PDZD2: variants seen among roughly 807,000 people sequenced by gnomAD.
The protein encoded by PDZD2 is PDZ domain-containing protein 2.
In PDZD2, 90 loss-of-function variants were observed where a neutral mutation model predicts 220.7. That is an observed-to-expected ratio of 0.41 (90% confidence interval 0.34 to 0.49). PDZD2 has a LOEUF of 0.49. PDZD2 is among the 20% of genes least tolerant of loss of function. The probability of loss-of-function intolerance (pLI) is 0.28; values close to 1 mark genes in which losing one functional copy is unlikely to be tolerated. For missense variants in PDZD2, 3,174 were observed against 3,608.5 expected, an observed-to-expected ratio of 0.88 and a Z score of 3.08; for synonymous variants, 1,375 against 1,450.5, an observed-to-expected ratio of 0.95 and a Z score of 1.18.
chr5:31,719,459 G>A (rs1325424457), intron 1 of PDZD2, among the ~76,000 whole-genome samples: 1 of 152,188 alleles, frequency 6.6e-6, no homozygotes, highest in Admixed American at 6.5e-5. Context: ...ACAGTAGCAG[G>A]TGCCAGAGTT....
At chr5:31,685,093 A>G (rs1205015199) in intron 1 of PDZD2, among the ~76,000 whole-genome samples, 6 of 152,090 alleles carry the variant, frequency 3.9e-5, no homozygotes, top group African/African-American at 1.2e-4. Context: ...CTCCATTACT[A>G]AATTCCTTTC....
chr5:32,003,384 C>CACCT (rs149402324), intron 5 of PDZD2, among the ~76,000 whole-genome samples: 1 of 81,254 alleles, frequency 1.2e-5, no homozygotes, highest in Non-Finnish European at 2.4e-5. Flanking sequence ...CACACACACA[C>CACCT]CCACACACAC....
At chr5:31,806,382 C>T (rs961845585) in intron 2 of PDZD2, among the ~76,000 whole-genome samples, 1 of 152,172 alleles carries the variant, frequency 6.6e-6, no homozygotes, top group Non-Finnish European at 1.5e-5. Flanking sequence ...CGCTTTAGAG[C>T]CTAAACCTGT....
intron 1 of PDZD2, among the ~76,000 whole-genome samples, chr5:31,778,956 A>G (rs931062087): frequency 1.3e-5 from 2 of 152,210 alleles, no homozygotes; most frequent in Non-Finnish European, 2.9e-5. Context: ...AAATGAAAAC[A>G]AAACTACTTT....
chr5:31,768,670 G>T (rs987410681), intron 1 of PDZD2, among the ~76,000 whole-genome samples: 1 of 150,284 alleles, frequency 6.7e-6, no homozygotes, highest in African/African-American at 2.4e-5. Context: ...TGAGACACAA[G>T]ATCAGGACTT....
At chr5:31,754,147 A>G (rs1250237647) in intron 1 of PDZD2, 6 of 152,220 alleles carry the variant, frequency 3.9e-5, no homozygotes, top group Non-Finnish European at 5.9e-5. Context: ...GTTTAATAAT[A>G]ATGATGTTGG....
rs1743936362 is a variant in PDZD2, at chr5:32,098,397, C to T, written c.7981C>T (p.Gln2661Ter). ...GGTGTTTTCTCAGGGGGCGGCTTCTCAGGAAGGGACTATGAACCGAGGGGA... is the reference window on the plus strand; with the variant it reads ...GGTGTTTTCTCAGGGGGCGGCTTCTTAGGAAGGGACTATGAACCGAGGGGA... ...HRVFSQGAAS[Q>*]EGTMNRGDFL... is the part of the protein sequence containing the mutation. The change falls in exon 23 of 25, where the codon CAG (glutamine) becomes TAG (stop). Residue 2661 changes from glutamine (Q) to a stop codon, truncating the protein, a stop_gained. Coordinates refer to ENST00000438447, the MANE Select transcript of PDZD2 (RefSeq NM_178140.4). LOFTEE classifies it high-confidence loss of function. The surrounding 1 kb of genome is among the most constrained non-coding windows in gnomAD (Gnocchi z 4.1). 6.2e-7 allele frequency: 1 copy of T among 1,614,048 alleles called. No individual in the cohort carries two copies. Among genetic ancestry groups the T allele is most frequent in the Non-Finnish European group, 8.5e-7 (1 of 1,180,040 alleles).
At chr5:31,898,648 A>G (rs1279698232) in intron 2 of PDZD2, among the ~76,000 whole-genome samples, 2 of 152,214 alleles carry the variant, frequency 1.3e-5, no homozygotes, top group Non-Finnish European at 2.9e-5. Flanking sequence ...TGATGCTTGC[A>G]CATAGTGTGT....
intron 2 of PDZD2, among the ~76,000 whole-genome samples, chr5:31,865,029 A>G (rs1357348259): frequency 6.6e-6 from 1 of 151,248 alleles, no homozygotes; most frequent in African/African-American, 2.4e-5. Context: ...TTGTATTTTT[A>G]GTAGAGACGG....
intron 1 of PDZD2, among the ~76,000 whole-genome samples, chr5:31,683,471 A>C (rs1256584611): frequency 6.6e-6 from 1 of 152,204 alleles, no homozygotes; most frequent in Non-Finnish European, 1.5e-5. Context: ...AAATATGTAC[A>C]TGGTTACAAA....
chr5:31,779,916 C>T (rs1032656017), intron 1 of PDZD2, among the ~76,000 whole-genome samples: 3 of 152,044 alleles, frequency 2.0e-5, no homozygotes, highest in Non-Finnish European at 4.4e-5. Flanking sequence ...TCTTGCTGTG[C>T]TGGAATAAGC....
At chr5:31,800,962 C>A (rs1429641330) in intron 2 of PDZD2, among the ~76,000 whole-genome samples, 1 of 152,184 alleles carries the variant, frequency 6.6e-6, no homozygotes, top group African/African-American at 2.4e-5. Flanking sequence ...TAATCTTCAT[C>A]CTCCCTCCAG....
chr5:32,087,422 G>A lies in PDZD2; in HGVS notation c.3974G>A (p.Gly1325Glu). The change falls in exon 20 of 25, where the codon GGA (glycine) becomes GAA (glutamate). Residue 1325 changes from glycine (G) to glutamate (E), a missense_variant. Coordinates refer to ENST00000438447, the MANE Select transcript of PDZD2 (RefSeq NM_178140.4). The surrounding 1 kb of genome is among the most constrained non-coding windows in gnomAD (Gnocchi z 4.0). ...HNTRRVAALRGAGPGAEGMTP... is the reference protein window; with the variant it reads ...HNTRRVAALREAGPGAEGMTP... ...ACCAGGAGGGTGGCTGCCCTCAGGG[G>A]AGCGGGACCTGGAGCAGAGGGAATG... The A allele has an allele frequency of 1.2e-6, 2 of 1,614,134 alleles. No individual in the cohort carries two copies. The highest frequency in any genetic ancestry group is 1.7e-6 in the Non-Finnish European group (2 of 1,180,000).
intron 1 of PDZD2, among the ~76,000 whole-genome samples, chr5:31,673,647 G>T (rs1325353764): frequency 2.6e-5 from 4 of 152,120 alleles, no homozygotes; most frequent in Admixed American, 2.6e-4. Flanking sequence ...CGAAGATAGA[G>T]CCCTCACAAT....
At chr5:31,812,402 T>C (rs1474391006) in intron 2 of PDZD2, among the ~76,000 whole-genome samples, 2 of 152,158 alleles carry the variant, frequency 1.3e-5, no homozygotes, top group East Asian at 3.8e-4. Context: ...GTCCATGACA[T>C]ATGCTGAGGG....
At chr5:32,012,376 A>C (rs956731604) in intron 6 of PDZD2, among the ~76,000 whole-genome samples, 1 of 152,062 alleles carries the variant, frequency 6.6e-6, no homozygotes, top group Non-Finnish European at 1.5e-5. Flanking sequence ...CATATTTTTT[A>C]AAAAATTATT....
chr5:31,712,550 T>C (rs1356516023), intron 1 of PDZD2, among the ~76,000 whole-genome samples: 2 of 151,994 alleles, frequency 1.3e-5, no homozygotes, highest in African/African-American at 4.8e-5. Context: ...AGGTGGTCTC[T>C]TGAGTGGGGT....
chr5:31,784,298 C>A (rs1402773948), intron 1 of PDZD2, among the ~76,000 whole-genome samples: 1 of 152,192 alleles, frequency 6.6e-6, no homozygotes. Flanking sequence ...GAGGTCCCTT[C>A]TTCGCAGCCC....
chr5:31,706,126 C>T (rs1747810640), intron 1 of PDZD2, among the ~76,000 whole-genome samples: 1 of 152,094 alleles, frequency 6.6e-6, no homozygotes, highest in Admixed American at 6.6e-5. Flanking sequence ...CTGATGGATC[C>T]CACACAACTG....
Sources: gnomAD v4.1 joint callset for allele counts (sites outside exome capture counted in the v4.1 genomes callset) on GRCh38, gnomAD v4.1.1 for gene constraint, Gnocchi (gnomAD v3.1) non-coding constraint, MANE v1.5 for transcripts, NCBI Gene and HGNC (gene_info 2026-07-23, HGNC 2026-07-21) for gene names.